The following UFD1 variants were observed in gnomAD, a reference collection of about 807,000 sequenced individuals.
The protein encoded by UFD1 is ubiquitin recognition factor in ER-associated degradation protein 1.
UFD1 carries 13 observed loss-of-function variants against 45.9 expected under a neutral mutation model. The ratio of observed to expected loss-of-function variants is 0.28; its 90% confidence interval spans 0.18 to 0.45. The LOEUF (loss-of-function observed/expected upper bound fraction) is 0.45. Among genes scored for constraint, UFD1 ranks in the 20% least tolerant of loss-of-function variants. The probability of loss-of-function intolerance (pLI) is 1.00; values close to 1 mark genes in which losing one functional copy is unlikely to be tolerated. For synonymous variants in UFD1, 128 were observed against 139.2 expected, an observed-to-expected ratio of 0.92 and a Z score of 0.56; for missense variants, 218 against 389.2, an observed-to-expected ratio of 0.56 and a Z score of 3.70.
chr22:19,456,722 G>A (rs757938910), intron 8 of UFD1, 88 bp from the exon 9 acceptor site: 53 of 1,612,470 alleles, frequency 3.3e-5, no homozygotes, highest in Admixed American at 1.3e-4. Flanking sequence ...GATGTCCCCC[G>A]GAAGCATGGC....
At chr22:19,468,313 A>G (rs756658) in intron 4 of UFD1, among the ~76,000 whole-genome samples, 56,136 of 152,078 alleles carry the variant, frequency 0.37, 12,713 homozygotes, top group Non-Finnish European at 0.5. Context: ...ATAGTCACTC[A>G]CTGTACTTCC....
chr22:19,468,456 C>T (rs1380376857), intron 4 of UFD1, among the ~76,000 whole-genome samples: 4 of 152,202 alleles, frequency 2.6e-5, no homozygotes, highest in Admixed American at 6.5e-5. Context: ...AAGATGGTGA[C>T]AGACCCCAGA....
At chr22:19,471,350 C>T (rs746121555) in intron 4 of UFD1, 3 of 578,088 alleles carry the variant, frequency 5.2e-6, no homozygotes, top group Non-Finnish European at 1.0e-5. Flanking sequence ...AAACCTCAAA[C>T]ACCCTACTTA....
Position 19,458,650 on chromosome 22 carries a change from C to A in UFD1, c.496-511G>T, listed in dbSNP as rs1386235972. ...TAGAGATGGGGTTTCACCATGTTGGCCAGGCTGGTCTCGAACTCCTGACCT... is the reference window on the plus strand; with the variant it reads ...TAGAGATGGGGTTTCACCATGTTGGACAGGCTGGTCTCGAACTCCTGACCT... On this transcript the variant is annotated intron_variant, in intron 6 of 11. Coordinates refer to ENST00000263202, the MANE Select transcript of UFD1 (RefSeq NM_005659.7). Among the ~76,000 whole-genome samples the A allele has an allele frequency of 3.9e-5, 6 of 152,240 alleles. No homozygotes were observed. In the East Asian group the frequency reaches 1.2e-3, roughly 29 times the overall value.
intron 1 of UFD1, chr22:19,478,757 A>C: frequency 2.4e-6 from 1 of 418,264 alleles, no homozygotes; most frequent in South Asian, 3.5e-5. Context: ...CAACCTTGCA[A>C]CTAACTTTGG....
At chr22:19,467,598 T>G in intron 5 of UFD1, 1 of 371,220 alleles carries the variant, frequency 2.7e-6, no homozygotes. Context: ...CATCCTGGCT[T>G]TGTGCCAGGT....
At chr22:19,456,699 C>G (rs866032909) in intron 8 of UFD1, 65 bp from the exon 9 acceptor site, 1 of 1,613,428 alleles carries the variant, frequency 6.2e-7, no homozygotes, top group Non-Finnish European at 8.5e-7. Flanking sequence ...CTCTCACCCC[C>G]ACCCCCGGCT....
chr22:19,460,538 G>A (rs1338207357), intron 6 of UFD1, among the ~76,000 whole-genome samples: 1 of 151,872 alleles, frequency 6.6e-6, no homozygotes, highest in East Asian at 1.9e-4. Context: ...AACTACCTGG[G>A]AAGACCTAGT....
At position 19,468,018 on chromosome 22, in the gene UFD1, A is replaced by G; in HGVS notation, c.292-15T>C. Reference sequence around the variant, plus strand: ...TTCTGCATCATCTGAAAGGAAGAAGAGGCTACATGAGACTCCTAGAGATGA... The same window carrying G: ...TTCTGCATCATCTGAAAGGAAGAAGGGGCTACATGAGACTCCTAGAGATGA... On this transcript the variant is annotated splice_polypyrimidine_tract_variant and intron_variant, in intron 4 of 11. Coordinates refer to ENST00000263202, the MANE Select transcript of UFD1 (RefSeq NM_005659.7). 1.2e-6 allele frequency: 2 copies of G among 1,613,706 alleles called. No homozygotes were observed. Among genetic ancestry groups the G allele is most frequent in the Non-Finnish European group, 1.7e-6 (2 of 1,179,784 alleles).
In UFD1 at chr22:19,459,493, T is replaced by C. The variant is rs540157322; in HGVS notation, c.496-1354A>G. On this transcript the variant is annotated intron_variant, in intron 6 of 11. Transcript: ENST00000263202. ...AGCTGGGAGTGGTGGCAGGTGCCTG[T>C]AGTCCCAGCTATTCGGGAGGCTGAG... Among the ~76,000 whole-genome samples the C allele has an allele frequency of 5.9e-5, 9 of 152,172 alleles. 1 individual carries two copies. The highest frequency in any genetic ancestry group is 1.7e-4 in the African/African-American group (7 of 41,556).
chr22:19,462,118 G>A (rs1465375480), intron 6 of UFD1, among the ~76,000 whole-genome samples: 1 of 152,022 alleles, frequency 6.6e-6, no homozygotes, highest in Non-Finnish European at 1.5e-5. Flanking sequence ...TCCCACTTCA[G>A]CCTCCCAGGT....
In UFD1 at chr22:19,450,488, C is replaced by G. The variant is rs2089672180; in HGVS notation, c.*182G>C. 1.3e-6 allele frequency: 1 copy of G among 741,270 alleles called. No homozygotes were observed. Among genetic ancestry groups the G allele is most frequent in the Non-Finnish European group, 2.1e-6 (1 of 471,922 alleles). The allele number at this position is 741,270 out of a possible 1,614,324, so 45.9% of individuals were successfully genotyped here. On this transcript the variant is annotated 3_prime_UTR_variant, in exon 12 of 12. Transcript: ENST00000263202. The stretch of plus-strand genomic sequence containing the variant: ...TTTGTCTTTCCCCAAATCAAGCATA[C>G]AACTACAAAGTCCTGCTGCTCCACT...
intron 8 of UFD1, 91 bp downstream of exon 8, chr22:19,456,762 C>T (rs2089726542): frequency 1.2e-6 from 2 of 1,613,554 alleles, no homozygotes; most frequent in Non-Finnish European, 1.7e-6. Flanking sequence ...ATGACTACAC[C>T]AACACTAGCA....
At chr22:19,470,491 G>T (rs1340020736) in intron 4 of UFD1, among the ~76,000 whole-genome samples, 2 of 151,988 alleles carry the variant, frequency 1.3e-5, no homozygotes, top group African/African-American at 4.8e-5. Flanking sequence ...GCCCAGGCTG[G>T]AATGCAATGG....
chr22:19,453,845 T>C (rs2089701294), intron 11 of UFD1: 1 of 985,508 alleles, frequency 1.0e-6, no homozygotes, highest in Non-Finnish European at 1.2e-6. Flanking sequence ...TCAGTACATC[T>C]GCCCTCTGCC....
chr22:19,478,999 G>A, intron 1 of UFD1, 84 bp downstream of exon 1: 2 of 1,509,688 alleles, frequency 1.3e-6, no homozygotes, highest in Non-Finnish European at 1.8e-6. Flanking sequence ...CTCCGCCGCC[G>A]TCCCGCCCCG....
In UFD1 at chr22:19,449,943, G is replaced by T. The variant is rs2089667400; in HGVS notation, c.*727C>A. 6.6e-6 allele frequency: 1 copy of T among 152,194 alleles called. No homozygotes were observed. The highest frequency in any genetic ancestry group is 2.4e-5 in the African/African-American group (1 of 41,452). The allele number at this position is 152,194 out of a possible 1,614,324, so 9.4% of individuals were successfully genotyped here. On this transcript the variant is annotated 3_prime_UTR_variant, in exon 12 of 12. Coordinates refer to ENST00000263202, the MANE Select transcript of UFD1 (RefSeq NM_005659.7). The stretch of plus-strand genomic sequence containing the variant: ...GGATGATTTAATAAATTAAAATTGG[G>T]AGTTGGGGAGTAGGGAAGAAGGAGA...
chr22:19,450,594 G>A lies in UFD1; in HGVS notation c.*76C>T. 1.3e-6 allele frequency: 2 copies of A among 1,568,578 alleles called. No homozygotes were observed. The highest frequency in any genetic ancestry group is 8.8e-7 in the Non-Finnish European group (1 of 1,140,954). On this transcript the variant is annotated 3_prime_UTR_variant, in exon 12 of 12. Coordinates refer to ENST00000263202, the MANE Select transcript of UFD1 (RefSeq NM_005659.7). ...GTATTCTCTGATGAGGCTCGTCCCT[G>A]TCAGTGCCAGTAACTAAAAGCCAAG...
At chr22:19,451,730 T>C (rs2089684354) in intron 11 of UFD1, 1 of 985,446 alleles carries the variant, frequency 1.0e-6, no homozygotes. Context: ...CACAGCTGCA[T>C]TTAGTCTTCC....
Sources: gnomAD v4.1 joint callset for allele counts (sites outside exome capture counted in the v4.1 genomes callset) on GRCh38, gnomAD v4.1.1 for gene constraint, MANE v1.5 for transcripts, NCBI Gene and HGNC (gene_info 2026-07-23, HGNC 2026-07-21) for gene names.